Variants in GALNT3 observed in about 807,000 individuals in gnomAD.
GALNT3 encodes the protein polypeptide N-acetylgalactosaminyltransferase 3, also known as GalNAc transferase 3.
In GALNT3, 51 loss-of-function variants were observed where a neutral mutation model predicts 69.8. That is an observed-to-expected ratio of 0.73 (90% CI 0.58 to 0.92). The LOEUF (loss-of-function observed/expected upper bound fraction) is 0.92, where lower values mean the gene tolerates loss of function less well. GALNT3 is among the 40% of genes least tolerant of loss of function. The probability of loss-of-function intolerance (pLI) is 0.00; values close to 1 mark genes in which losing one functional copy is unlikely to be tolerated. For missense variants in GALNT3, 711 were observed against 760.0 expected (o/e 0.94, Z 0.76); for synonymous variants, 265 against 248.5 (o/e 1.07, Z -0.63).
chr2:165,769,655 T>C (rs1008086749), intron 2 of GALNT3, among the ~76,000 whole-genome samples: 1 of 151,798 alleles, frequency 6.6e-6, no homozygotes, highest in Non-Finnish European at 1.5e-5. Flanking sequence ...CTTGGGATTG[T>C]TTACAAAAAA....
intron 1 of GALNT3, among the ~76,000 whole-genome samples, chr2:165,785,174 T>G: frequency 6.6e-6 from 1 of 152,030 alleles, no homozygotes; most frequent in South Asian, 2.1e-4. Context: ...TGTTCTAATA[T>G]CAAAGGGTTG....
intron 9 of GALNT3, among the ~76,000 whole-genome samples, chr2:165,751,345 T>C (rs2105399935): frequency 6.6e-6 from 1 of 152,256 alleles, no homozygotes; most frequent in Admixed American, 6.5e-5. Context: ...CTTAGTCTCA[T>C]GCTTAATTTA....
intron 4 of GALNT3, chr2:165,761,638 G>T (rs1688550197): frequency 3.1e-6 from 2 of 642,728 alleles, no homozygotes; most frequent in Non-Finnish European, 5.6e-6. Flanking sequence ...AAGAGGCAAG[G>T]ATAACTGGCT....
At position 165,770,511 on chromosome 2, in the gene GALNT3, C is replaced by A; in HGVS notation, c.190G>T (p.Asp64Tyr). Residue 64 changes from aspartate to tyrosine, a missense_variant, in exon 2 of 11, where the codon GAT becomes TAT. Asp to Tyr is a radical substitution (Grantham distance 160, BLOSUM62 -3). Transcript: ENST00000392701. Reference sequence around the variant, plus strand: ...TTGTTTACAGCTTCTAGCATTAAATCCAACATCTTGTTTTTGTTTTTCATG... The same window carrying A: ...TTGTTTACAGCTTCTAGCATTAAATACAACATCTTGTTTTTGTTTTTCATG... ...RNMKNKNKML[D>Y]LMLEAVNNIK... 6.2e-7 allele frequency: 1 copy of A among 1,614,174 alleles called. No individual in the cohort carries two copies. Among genetic ancestry groups the A allele is most frequent in the South Asian group, 1.1e-5 (1 of 91,074 alleles).
Position 165,759,492 on chromosome 2 carries a change from A to C in GALNT3, c.917T>G (p.Ile306Ser). Residue 306 changes from isoleucine (I) to serine (S), a missense_variant, in exon 5 of 11, where the codon ATT becomes AGT. Coordinates refer to ENST00000392701, the MANE Select transcript of GALNT3 (RefSeq NM_004482.4). Reference sequence around the variant, plus strand: ...AAACGTGTTCAGATCTATGGATGCAATATCTGGACTTACGACAGCCGTGTA... The same window carrying C: ...AAACGTGTTCAGATCTATGGATGCACTATCTGGACTTACGACAGCCGTGTA... Reference protein sequence around the residue: ...ENYTAVVSPDIASIDLNTFEF... With the variant: ...ENYTAVVSPDSASIDLNTFEF... The C allele has an allele frequency of 6.2e-7, 1 of 1,614,074 alleles. No homozygotes were observed. Among genetic ancestry groups the C allele is most frequent in the Non-Finnish European group, 8.5e-7 (1 of 1,180,004 alleles).
intron 2 of GALNT3, 54 bp from the exon 3 acceptor site, chr2:165,765,110 C>T (rs1688616040): frequency 7.1e-7 from 1 of 1,406,206 alleles, no homozygotes; most frequent in Admixed American, 1.7e-5. Context: ...TATTTTATTT[C>T]ACAGCTATAC....
chr2:165,788,156 G>A (rs1014997190), intron 1 of GALNT3, among the ~76,000 whole-genome samples: 2 of 151,628 alleles, frequency 1.3e-5, no homozygotes, highest in Non-Finnish European at 1.5e-5. Flanking sequence ...GTGAAACCCC[G>A]TCTCTATTAA....
chr2:165,751,656 G>C lies in GALNT3; in HGVS notation c.1627-1762C>G, dbSNP rs530194645. Reference sequence around the variant, plus strand: ...AGAGACCCATTACTTAGAACGAGTAGAGAAGAGGCAAAGCAGTAAATATAA... The same window carrying C: ...AGAGACCCATTACTTAGAACGAGTACAGAAGAGGCAAAGCAGTAAATATAA... On this transcript the variant is annotated intron_variant, in intron 9 of 10. Coordinates refer to ENST00000392701, the MANE Select transcript of GALNT3 (RefSeq NM_004482.4). Among the ~76,000 whole-genome samples the C allele has an allele frequency of 9.9e-5, 15 of 152,278 alleles. No homozygotes were observed. The South Asian group carries it at 3.1e-3, about 32-fold the overall frequency.
chr2:165,761,786 G>C, intron 4 of GALNT3, 119 bp downstream of exon 4: 1 of 1,129,572 alleles, frequency 8.9e-7, no homozygotes, highest in Non-Finnish European at 1.4e-6. Context: ...ATCGCCAGTT[G>C]AAAACGCTGT....
In GALNT3 at chr2:165,747,907, A is replaced by G. The variant is rs758798822; in HGVS notation, c.*874T>C. 2.3e-5 allele frequency: 4 copies of G among 174,150 alleles called. No individual in the cohort carries two copies. Among genetic ancestry groups the G allele is most frequent in the Non-Finnish European group, 5.0e-5 (4 of 80,298 alleles). 10.8% of individuals were successfully genotyped at this position (174,150 alleles called of 1,614,324 possible). A position where few individuals can be genotyped will look rare whatever the true frequency, so the allele number is the denominator to read the frequency against. ...ACAAAGTCAAAAATCCATTACAATT[A>G]TAATTGAATCAGTAACAAAATTTAG... On this transcript the variant is annotated 3_prime_UTR_variant, in exon 11 of 11. Coordinates refer to ENST00000392701, the MANE Select transcript of GALNT3 (RefSeq NM_004482.4).
intron 10 of GALNT3, among the ~76,000 whole-genome samples, chr2:165,749,484 T>C (rs1297206285): frequency 6.6e-6 from 1 of 152,104 alleles, no homozygotes; most frequent in Admixed American, 6.6e-5. Context: ...AACAAGCGAC[T>C]AATATTAATA....
chr2:165,783,163 G>A (rs1397351619), intron 1 of GALNT3, among the ~76,000 whole-genome samples: 1 of 152,082 alleles, frequency 6.6e-6, no homozygotes. Context: ...CAATTTCAAT[G>A]GTCTACAAAG....
chr2:165,776,000 A>G (rs755254575), intron 1 of GALNT3, among the ~76,000 whole-genome samples: 3 of 152,200 alleles, frequency 2.0e-5, no homozygotes, highest in Non-Finnish European at 4.4e-5. Flanking sequence ...CAGTTTTCCA[A>G]AAAGACTCAG....
chr2:165,751,742 C>T (rs1688361365), intron 9 of GALNT3, among the ~76,000 whole-genome samples: 1 of 151,742 alleles, frequency 6.6e-6, no homozygotes. Context: ...AGTCACATAA[C>T]CAAAATATTT....
intron 1 of GALNT3, among the ~76,000 whole-genome samples, chr2:165,787,682 T>C (rs1371469240): frequency 1.3e-5 from 2 of 152,256 alleles, no homozygotes; most frequent in Non-Finnish European, 2.9e-5. Context: ...AAAGGACTGC[T>C]AATTCCAAGA....
chr2:165,769,529 G>A (rs1688713266), intron 2 of GALNT3, among the ~76,000 whole-genome samples: 1 of 151,546 alleles, frequency 6.6e-6, no homozygotes, highest in African/African-American at 2.4e-5. Flanking sequence ...CAAGGCAGAT[G>A]GATCACCTGA....
At chr2:165,761,492 A>G (rs960815255) in intron 4 of GALNT3, among the ~76,000 whole-genome samples, 7 of 152,100 alleles carry the variant, frequency 4.6e-5, no homozygotes, top group Non-Finnish European at 8.8e-5. Context: ...GATTACAGGA[A>G]TGAGCCACCA....
intron 9 of GALNT3, among the ~76,000 whole-genome samples, chr2:165,750,948 T>G (rs954322503): frequency 6.6e-5 from 10 of 152,102 alleles, no homozygotes; most frequent in African/African-American, 2.2e-4. Flanking sequence ...CTACCTTCCT[T>G]CTTTGGCTTT....
At chr2:165,792,341 T>A (rs963019053) in intron 1 of GALNT3, among the ~76,000 whole-genome samples, 1 of 152,242 alleles carries the variant, frequency 6.6e-6, no homozygotes, top group East Asian at 1.9e-4. Flanking sequence ...AACATCTGCC[T>A]AGTAAGTAAT....
Sources: allele counts gnomAD v4.1 joint callset (sites outside exome capture counted in the v4.1 genomes callset), GRCh38; gene constraint gnomAD v4.1.1; transcripts MANE v1.5; gene names NCBI Gene and HGNC (gene_info 2026-07-23, HGNC 2026-07-21).